UQCC2: variants seen among roughly 807,000 people sequenced by gnomAD.
The protein encoded by UQCC2 is breast cancer-associated protein SGA-81M.
A neutral mutation model predicts 19.9 loss-of-function variants in UQCC2; 21 were observed. That is an observed-to-expected ratio of 1.05 (90% CI 0.75 to 1.52). The LOEUF is 1.52. Among genes scored for constraint, UQCC2 ranks in the 40% most tolerant of loss-of-function variants. The pLI is 0.00. For synonymous variants in UQCC2, 57 were observed against 60.9 expected (o/e 0.94, Z 0.30); for missense variants, 135 against 157.5 (o/e 0.86, Z 0.76).
chr6:33,705,775 A>T (rs1765691932), intron 1 of UQCC2, among the ~76,000 whole-genome samples: 1 of 152,174 alleles, frequency 6.6e-6, no homozygotes, highest in Non-Finnish European at 1.5e-5. Context: ...TTTCTGATGA[A>T]ATGGACGGTG....
intron 1 of UQCC2, among the ~76,000 whole-genome samples, chr6:33,703,335 G>C (rs911276002): frequency 6.6e-6 from 1 of 151,980 alleles, no homozygotes; most frequent in African/African-American, 2.4e-5. Context: ...AGCTAATTTT[G>C]TGTATTTTTA....
Sources: gnomAD v4.1 joint callset for allele counts (sites outside exome capture counted in the v4.1 genomes callset) on GRCh38, gnomAD v4.1.1 for gene constraint, MANE v1.5 for transcripts, NCBI Gene and HGNC (gene_info 2026-07-23, HGNC 2026-07-21) for gene names.